Variants in FAM227B observed in about 807,000 individuals in gnomAD.
The protein encoded by FAM227B is protein FAM227B.
In FAM227B, 88 loss-of-function variants were observed where a neutral mutation model predicts 73.8. The ratio of observed to expected loss-of-function variants is 1.19; its 90% CI spans 1.00 to 1.42. FAM227B has a LOEUF of 1.42. Among genes scored for constraint, FAM227B ranks in the 40% most tolerant of loss-of-function variants. FAM227B has a pLI of 0.00. For synonymous variants in FAM227B, 210 were observed against 190.5 expected (o/e 1.10, Z -0.84); for missense variants, 632 against 590.9 (o/e 1.07, Z -0.72).
chr15:49,518,282 C>T (rs4350524), intron 10 of FAM227B, among the ~76,000 whole-genome samples: 48,503 of 151,890 alleles, frequency 0.32, 8,369 homozygotes, highest in African/African-American at 0.43. Flanking sequence ...AAATATAGGT[C>T]TGTGTTTTTA....
intron 10 of FAM227B, among the ~76,000 whole-genome samples, chr15:49,531,285 T>C (rs1335147976): frequency 1.3e-5 from 2 of 151,858 alleles, no homozygotes; most frequent in African/African-American, 4.8e-5. Flanking sequence ...ATATATATTA[T>C]ATACTATGTA....
chr15:49,354,488 C>G (rs985113766), intron 13 of FAM227B, among the ~76,000 whole-genome samples: 2 of 152,096 alleles, frequency 1.3e-5, no homozygotes, highest in African/African-American at 4.8e-5. Context: ...GGGTGACGGA[C>G]GGCACCTGGA....
Position 49,546,325 on chromosome 15 carries a change from A to G in FAM227B, c.748-4519T>C, listed in dbSNP as rs529462885. 3.5e-3 allele frequency among the ~76,000 whole-genome samples: 536 copies of G among 152,304 alleles called. 8 individuals carry two copies. The highest frequency in any genetic ancestry group is 0.012 in the African/African-American group (513 of 41,566). ...ATGGCTCCATAGTATTCCATGGTGT[A>G]TATGTGCCACATTTTCTTAATCCAG... On this transcript the variant is annotated intron_variant, in intron 9 of 15. Transcript: ENST00000299338.
In FAM227B at chr15:49,547,687, C is replaced by A. The variant is rs148838371; in HGVS notation, c.748-5881G>T. On this transcript the variant is annotated intron_variant, in intron 9 of 15. Transcript: ENST00000299338. ...AAGGAGTAGCTATTCTTGTATCAGA[C>A]AAAATAGACTTTAAAGCAACAGCAG... Among the ~76,000 whole-genome samples, 380 of 152,138 alleles carry A rather than the reference C, an allele frequency of 2.5e-3. 2 individuals carry two copies. Among genetic ancestry groups the A allele is most frequent in the African/African-American group, 8.8e-3 (366 of 41,498 alleles).
At chr15:49,613,827 G>A (rs920284330) in intron 2 of FAM227B, among the ~76,000 whole-genome samples, 1 of 152,098 alleles carries the variant, frequency 6.6e-6, no homozygotes, top group Non-Finnish European at 1.5e-5. Flanking sequence ...AAGCAAAGAT[G>A]CATAGAGATG....
chr15:49,469,607 A>T (rs1043250031), intron 11 of FAM227B, among the ~76,000 whole-genome samples: 3 of 152,112 alleles, frequency 2.0e-5, no homozygotes, highest in African/African-American at 7.2e-5. Context: ...TATTGAATTG[A>T]AATAATTCAA....
In FAM227B at chr15:49,578,150, T is replaced by A. The variant is rs149066865; in HGVS notation, c.406-486A>T. Among the ~76,000 whole-genome samples, 456 of 152,322 alleles carry A rather than the reference T, an allele frequency of 3.0e-3. 1 individual carries two copies. Among genetic ancestry groups the A allele is most frequent in the African/African-American group, 0.01 (427 of 41,572 alleles). On this transcript the variant is annotated intron_variant, in intron 5 of 15. Transcript: ENST00000299338. ...TAGAGCTGAAAGTATTGATCAGAGC[T>A]GTCCTGCATTGGACTGAAATAGCCA...
At chr15:49,530,805 A>T (rs1476025190) in intron 10 of FAM227B, among the ~76,000 whole-genome samples, 1 of 151,718 alleles carries the variant, frequency 6.6e-6, no homozygotes, top group African/African-American at 2.4e-5. Flanking sequence ...TTTTAATAGA[A>T]GAAAATATAT....
At chr15:49,497,168 G>GT (rs1344835483) in intron 11 of FAM227B, among the ~76,000 whole-genome samples, 2 of 152,184 alleles carry the variant, frequency 1.3e-5, no homozygotes, top group African/African-American at 4.8e-5. Flanking sequence ...CAGAGGGGTT[G>GT]TATGACCTGC....
chr15:49,422,179 TGCAC>T (rs1567245111), intron 11 of FAM227B, among the ~76,000 whole-genome samples: 1,731 of 116,848 alleles, frequency 0.015, 38 homozygotes, highest in South Asian at 0.092. Flanking sequence ...CGCGCGCGCG[TGCAC>T]GCGTGTGTGT....
intron 4 of FAM227B, 61 bp from the exon 5 acceptor site, chr15:49,588,144 A>G (rs2076286176): frequency 9.7e-7 from 1 of 1,029,946 alleles, no homozygotes; most frequent in Non-Finnish European, 1.3e-6. Flanking sequence ...TCTAAAAATA[A>G]ACAAAATTTT....
At position 49,394,571 on chromosome 15, in the gene FAM227B, A is replaced by C. The variant is rs368432460; in HGVS notation, c.1013-23172T>G. ...TGAATTTAAAATGAGACTATTCGGC[A>C]TGGTTGTATAATTTCTGTATACAGT... On this transcript the variant is annotated intron_variant, in intron 11 of 15. Coordinates refer to ENST00000299338, the MANE Select transcript of FAM227B (RefSeq NM_152647.3). 1.2e-4 allele frequency among the ~76,000 whole-genome samples: 18 copies of C among 152,316 alleles called. No individual in the cohort carries two copies. In the East Asian group the frequency reaches 1.3e-3, roughly 11 times the overall value.
At position 49,386,354 on chromosome 15, in the gene FAM227B, C is replaced by T. The variant is rs182696496; in HGVS notation, c.1013-14955G>A. Among the ~76,000 whole-genome samples the T allele has an allele frequency of 3.1e-3, 477 of 151,798 alleles. 5 individuals carry two copies. The highest frequency in any genetic ancestry group is 0.011 in the African/African-American group (451 of 41,464). ...AGAAATCAACTCCAAAAGGAACCCT[C>T]AAAACTATACAAATACATGGAAATT... On this transcript the variant is annotated intron_variant, in intron 11 of 15. Transcript: ENST00000299338.
At chr15:49,426,068 TAATAAAA>T (rs1255613669) in intron 11 of FAM227B, among the ~76,000 whole-genome samples, 1 of 150,708 alleles carries the variant, frequency 6.6e-6, no homozygotes, top group Non-Finnish European at 1.5e-5. Flanking sequence ...ATATCATGGA[TAATAAAA>T]CCTGGTGGAG....
At chr15:49,507,173 T>G (rs947876715) in intron 11 of FAM227B, among the ~76,000 whole-genome samples, 2 of 151,536 alleles carry the variant, frequency 1.3e-5, no homozygotes, top group Non-Finnish European at 2.9e-5. Flanking sequence ...TAATAAAAGA[T>G]AGAAATCATA....
intron 11 of FAM227B, among the ~76,000 whole-genome samples, chr15:49,372,772 C>T (rs530255515): frequency 3.9e-5 from 6 of 152,134 alleles, no homozygotes; most frequent in African/African-American, 1.4e-4. Flanking sequence ...TATCAGTTAC[C>T]AGGTAGACTA....
At chr15:49,541,971 C>T (rs1050688941) in intron 9 of FAM227B, among the ~76,000 whole-genome samples, 165 bp from the exon 10 acceptor site, 19 of 152,124 alleles carry the variant, frequency 1.2e-4, no homozygotes, top group South Asian at 2.1e-4. Flanking sequence ...AATTAATGTA[C>T]GTCACTATGC....
chr15:49,438,253 A>C (rs1240369549), intron 11 of FAM227B, among the ~76,000 whole-genome samples: 1 of 151,782 alleles, frequency 6.6e-6, no homozygotes, highest in South Asian at 2.1e-4. Flanking sequence ...AAAAACAGTC[A>C]TTTACATTAT....
intron 5 of FAM227B, among the ~76,000 whole-genome samples, chr15:49,586,887 C>G (rs1269823411): frequency 6.6e-6 from 1 of 152,004 alleles, no homozygotes; most frequent in Non-Finnish European, 1.5e-5. Flanking sequence ...CAGAAGCTGA[C>G]GAGGTTGCAG....
Sources: gnomAD v4.1 joint callset for allele counts (sites outside exome capture counted in the v4.1 genomes callset) on GRCh38, gnomAD v4.1.1 for gene constraint, MANE v1.5 for transcripts, NCBI Gene and HGNC (gene_info 2026-07-23, HGNC 2026-07-21) for gene names.